Variants in MOB3B observed in about 807,000 individuals in gnomAD.
MOB3B encodes MOB kinase activator 3B.
In MOB3B, 7 loss-of-function variants were observed where a neutral mutation model predicts 18.7. The ratio of observed to expected loss-of-function variants is 0.37; its 90% CI spans 0.21 to 0.70. The LOEUF is 0.70. Among genes scored for constraint, MOB3B ranks in the 30% least tolerant of loss-of-function variants. The pLI is 0.52. For synonymous variants in MOB3B, 111 were observed against 99.9 expected, an observed-to-expected ratio of 1.11 and a Z score of -0.66; for missense variants, 253 against 281.3, an observed-to-expected ratio of 0.90 and a Z score of 0.72.
intron 1 of MOB3B, among the ~76,000 whole-genome samples, chr9:27,479,628 C>T (rs1345131336): frequency 6.6e-6 from 1 of 151,892 alleles, no homozygotes; most frequent in Non-Finnish European, 1.5e-5. Flanking sequence ...TATAAACACC[C>T]CTACTCAAAA....
intron 2 of MOB3B, among the ~76,000 whole-genome samples, chr9:27,437,147 A>C (rs1822517140): frequency 6.6e-6 from 1 of 152,182 alleles, no homozygotes; most frequent in African/African-American, 2.4e-5. Flanking sequence ...AGGCCAAGGT[A>C]AGGATTTAAG....
intron 1 of MOB3B, among the ~76,000 whole-genome samples, chr9:27,515,993 T>C (rs1820227250): frequency 6.6e-6 from 1 of 152,200 alleles, no homozygotes. Flanking sequence ...AAGAAGGCCA[T>C]TGAAGGGCCA....
Position 27,336,817 on chromosome 9 carries a change from G to A in MOB3B, c.622-6201C>T, listed in dbSNP as rs113615035. ...ACCCCTGAAGTAATGGAAACAGAAC[G>A]GAAAGTAGGAGAGATTCATCTCCCC... On this transcript the variant is annotated intron_variant, in intron 3 of 3. Transcript: ENST00000262244. 5.4e-3 allele frequency among the ~76,000 whole-genome samples: 822 copies of A among 152,234 alleles called. 7 individuals carry two copies. Among genetic ancestry groups the A allele is most frequent in the African/African-American group, 0.019 (796 of 41,546 alleles).
intron 2 of MOB3B, among the ~76,000 whole-genome samples, chr9:27,431,426 C>T (rs773924163): frequency 2.0e-5 from 3 of 152,214 alleles, no homozygotes; most frequent in Admixed American, 6.5e-5. Context: ...GATATTTCTT[C>T]ACAAGATTCA....
intron 3 of MOB3B, among the ~76,000 whole-genome samples, chr9:27,354,034 G>C (rs927882320): frequency 2.0e-5 from 3 of 152,248 alleles, no homozygotes; most frequent in Non-Finnish European, 4.4e-5. Context: ...GTCTGTGTCA[G>C]TGTGCCAGGC....
At chr9:27,518,604 A>G (rs955120573) in intron 1 of MOB3B, among the ~76,000 whole-genome samples, 5 of 152,078 alleles carry the variant, frequency 3.3e-5, no homozygotes, top group Admixed American at 2.0e-4. Flanking sequence ...CTTTTCCAAC[A>G]GCTCAAATTA....
chr9:27,368,904 C>T (rs1821374712), intron 2 of MOB3B, among the ~76,000 whole-genome samples: 1 of 152,212 alleles, frequency 6.6e-6, no homozygotes, highest in South Asian at 2.1e-4. Context: ...TCATCAGCAT[C>T]CCCAGCTCCC....
At chr9:27,489,184 T>C (rs894916896) in intron 1 of MOB3B, among the ~76,000 whole-genome samples, 1 of 152,272 alleles carries the variant, frequency 6.6e-6, no homozygotes, top group Non-Finnish European at 1.5e-5. Context: ...TATTTCCATT[T>C]ACTTCTCCTA....
At chr9:27,493,625 AGC>A (rs1010081421) in intron 1 of MOB3B, among the ~76,000 whole-genome samples, 3 of 151,926 alleles carry the variant, frequency 2.0e-5, no homozygotes, top group African/African-American at 7.3e-5. Flanking sequence ...TGGGCGACTG[AGC>A]GAGACTCCAT....
At chr9:27,489,309 G>GTCCT (rs1819778680) in intron 1 of MOB3B, among the ~76,000 whole-genome samples, 1 of 152,196 alleles carries the variant, frequency 6.6e-6, no homozygotes, top group Non-Finnish European at 1.5e-5. Flanking sequence ...GTCCCAGGCA[G>GTCCT]TCCTGAAAGC....
At chr9:27,423,807 G>C (rs1255880101) in intron 2 of MOB3B, among the ~76,000 whole-genome samples, 1 of 152,156 alleles carries the variant, frequency 6.6e-6, no homozygotes, top group Non-Finnish European at 1.5e-5. Context: ...ATGTTCATCA[G>C]AGAAAGTATC....
At chr9:27,515,649 A>G (rs1469522892) in intron 1 of MOB3B, among the ~76,000 whole-genome samples, 1 of 152,234 alleles carries the variant, frequency 6.6e-6, no homozygotes, top group African/African-American at 2.4e-5. Context: ...TCATGTTGAC[A>G]GGCTTATGAG....
At chr9:27,525,312 G>C (rs974539594) in intron 1 of MOB3B, among the ~76,000 whole-genome samples, 1 of 152,190 alleles carries the variant, frequency 6.6e-6, no homozygotes, top group African/African-American at 2.4e-5. Flanking sequence ...AGGGAGCAGA[G>C]AATGTTGCAA....
chr9:27,450,736 C>T (rs62541585), intron 2 of MOB3B, among the ~76,000 whole-genome samples: 20,433 of 152,158 alleles, frequency 0.13, 1,744 homozygotes, highest in Middle Eastern at 0.21. Context: ...AGCTCAGACC[C>T]TGACTCCTAA....
chr9:27,464,801 G>T (rs1194540811), intron 1 of MOB3B, among the ~76,000 whole-genome samples: 1 of 151,834 alleles, frequency 6.6e-6, no homozygotes, highest in Non-Finnish European at 1.5e-5. Context: ...AAATGAGGAA[G>T]AAGCAAAAAA....
At chr9:27,420,649 C>T (rs899769564) in intron 2 of MOB3B, among the ~76,000 whole-genome samples, 6 of 140,778 alleles carry the variant, frequency 4.3e-5, no homozygotes, top group African/African-American at 5.3e-5. Flanking sequence ...TGCAGTGACC[C>T]GGATGAGATT....
chr9:27,493,143 T>G (rs561688092), intron 1 of MOB3B, among the ~76,000 whole-genome samples: 119 of 152,294 alleles, frequency 7.8e-4, no homozygotes, highest in African/African-American at 2.8e-3. Flanking sequence ...TTTTTTGTTT[T>G]GTTTGGTTTT....
chr9:27,422,773 A>G (rs1338012652), intron 2 of MOB3B, among the ~76,000 whole-genome samples: 1 of 152,228 alleles, frequency 6.6e-6, no homozygotes, highest in African/African-American at 2.4e-5. Flanking sequence ...CCAGTTACAG[A>G]AAAAATTTAT....
intron 1 of MOB3B, among the ~76,000 whole-genome samples, chr9:27,480,444 C>T (rs1211633930): frequency 6.6e-6 from 1 of 152,172 alleles, no homozygotes; most frequent in Non-Finnish European, 1.5e-5. Context: ...GGACTACAGG[C>T]ACCCGCCACC....
Sources: gnomAD v4.1 joint callset for allele counts (sites outside exome capture counted in the v4.1 genomes callset) on GRCh38, gnomAD v4.1.1 for gene constraint, MANE v1.5 for transcripts, NCBI Gene and HGNC (gene_info 2026-07-23, HGNC 2026-07-21) for gene names.